The following UBE2E1 variants were observed in gnomAD, a reference collection of about 807,000 sequenced individuals.
UBE2E1 encodes ubiquitin conjugating enzyme E2 E1.
In UBE2E1, 6 loss-of-function variants were observed where a neutral mutation model predicts 21.4. That is an observed-to-expected ratio of 0.28 (90% confidence interval 0.15 to 0.55). The LOEUF (loss-of-function observed/expected upper bound fraction) is 0.55, where lower values mean the gene tolerates loss of function less well. Among genes scored for constraint, UBE2E1 ranks in the 20% least tolerant of loss-of-function variants. The pLI, the probability that UBE2E1 is intolerant of heterozygous loss-of-function variation, is 0.93. For synonymous variants in UBE2E1, 87 were observed against 82.7 expected, an observed-to-expected ratio of 1.05 and a Z score of -0.28; for missense variants, 142 against 236.5, an observed-to-expected ratio of 0.60 and a Z score of 2.62.
At chr3:23,813,731 T>A (rs951547897) in intron 3 of UBE2E1, among the ~76,000 whole-genome samples, 1 of 152,064 alleles carries the variant, frequency 6.6e-6, no homozygotes, top group Non-Finnish European at 1.5e-5. Flanking sequence ...TGGGTAGAGA[T>A]GGGGTTTCAC....
At chr3:23,811,657 C>A in intron 3 of UBE2E1, 147 bp downstream of exon 3, 1 of 738,602 alleles carries the variant, frequency 1.4e-6, no homozygotes. Context: ...ATTTATTAAC[C>A]TGAGTATAAT....
In UBE2E1 at chr3:23,853,206, T is replaced by C. The variant is rs58573756; in HGVS notation, c.204-34361T>C. 0.014 allele frequency among the ~76,000 whole-genome samples: 2,115 copies of C among 152,346 alleles called. 56 individuals are homozygous for C. Among genetic ancestry groups the C allele is most frequent in the African/African-American group, 0.049 (2,019 of 41,572 alleles). On this transcript the variant is annotated intron_variant, in intron 3 of 5. Coordinates refer to ENST00000306627, the MANE Select transcript of UBE2E1 (RefSeq NM_003341.5). This position sits in a 1 kb window ranked among gnomAD's most constrained non-coding sequence, Gnocchi z 4.1. ...CCGCGCCCAGCTGCCTTATTTCTTT[T>C]TCTTGCTGTAATTCACCTGGCTACA... is the stretch of plus-strand genomic sequence containing the variant.
Position 23,890,663 on chromosome 3 carries a change from A to AT in UBE2E1, c.*61dup, listed in dbSNP as rs1049169358. ...CTGTCACAGAAGAGAGCTGCTTATG[A>AT]TTTTGAAGGGGTCAGGGAGGGTGGG... On this transcript the variant is annotated 3_prime_UTR_variant, in exon 6 of 6. Transcript: ENST00000306627. 29 of 1,361,342 alleles carry AT rather than the reference A, an allele frequency of 2.1e-5. No homozygotes were observed. The highest frequency in any genetic ancestry group is 2.5e-5 in the Non-Finnish European group (24 of 974,450). The allele number at this position is 1,361,342 out of a possible 1,614,324, so 84.3% of individuals were successfully genotyped here.
intron 3 of UBE2E1, among the ~76,000 whole-genome samples, chr3:23,825,724 GT>G (rs1413546320): frequency 2.6e-5 from 4 of 152,194 alleles, no homozygotes; most frequent in African/African-American, 9.7e-5. Flanking sequence ...GTAGGCCAGT[GT>G]GGCTGGACAT....
At chr3:23,835,086 C>G (rs182643318) in intron 3 of UBE2E1, among the ~76,000 whole-genome samples, 1 of 152,292 alleles carries the variant, frequency 6.6e-6, no homozygotes, top group East Asian at 1.9e-4. Flanking sequence ...TTAACCTGAT[C>G]ACCTACTTGA....
intron 2 of UBE2E1, among the ~76,000 whole-genome samples, chr3:23,809,931 C>T (rs1204804891): frequency 2.6e-5 from 4 of 152,184 alleles, no homozygotes; most frequent in East Asian, 1.9e-4. Flanking sequence ...GACACAAATA[C>T]GTGTCAATTG....
rs543262154 is a variant in UBE2E1, at chr3:23,891,618, T to C, written c.*1012T>C. On this transcript the variant is annotated 3_prime_UTR_variant, in exon 6 of 6. Transcript: ENST00000306627. ...AGAAATGGGTTCCGTCATGGATAAA[T>C]TGGTACCCTGCCTTAGGGGGCATTT... 5.3e-5 allele frequency: 8 copies of C among 152,230 alleles called. No individual in the cohort carries two copies. The highest frequency in any genetic ancestry group is 1.9e-4 in the East Asian group (1 of 5,204). 9.4% of individuals were successfully genotyped at this position (152,230 alleles called of 1,614,324 possible).
rs1699287828 is a variant in UBE2E1, at chr3:23,806,887, G to T, written c.-33-350G>T. On this transcript the variant is annotated intron_variant, in intron 1 of 5. Transcript: ENST00000306627. The surrounding 1 kb of genome is among the most constrained non-coding windows in gnomAD (Gnocchi z 6.5). ...CAGCCCCGAGGCCGGCCGGCCGCCG[G>T]GACCTTCCCTCCCTGCCCCGCCGTG... The T allele has an allele frequency of 6.0e-6, 1 of 166,796 alleles. No homozygotes were observed. Among genetic ancestry groups the T allele is most frequent in the Admixed American group, 6.4e-5 (1 of 15,630 alleles). 10.3% of individuals were successfully genotyped at this position (166,796 alleles called of 1,614,324 possible).
intron 3 of UBE2E1, among the ~76,000 whole-genome samples, chr3:23,848,582 G>A (rs1206367072): frequency 6.6e-6 from 1 of 152,038 alleles, no homozygotes; most frequent in Non-Finnish European, 1.5e-5. Context: ...AAGCTTGGAG[G>A]AAGATAATCA....
chr3:23,882,937 CAG>C (rs1701087825), intron 3 of UBE2E1, among the ~76,000 whole-genome samples: 2 of 152,346 alleles, frequency 1.3e-5, no homozygotes, highest in South Asian at 2.1e-4. Flanking sequence ...TCCCTGCAAA[CAG>C]AGGGAGCCAG....
At chr3:23,884,429 T>G (rs551913554) in intron 3 of UBE2E1, among the ~76,000 whole-genome samples, 8 of 152,310 alleles carry the variant, frequency 5.3e-5, no homozygotes, top group Non-Finnish European at 1.2e-4. Context: ...ATATGGATTC[T>G]TGGGTCCCCT....
In UBE2E1 at chr3:23,884,177, TTTTGTCTA is replaced by T. The variant is rs558006532; in HGVS notation, c.204-3389_204-3382del. 1.2e-4 allele frequency among the ~76,000 whole-genome samples: 18 copies of T among 152,100 alleles called. 1 individual carries two copies. In the South Asian group the frequency reaches 3.3e-3, roughly 28 times the overall value. On this transcript the variant is annotated intron_variant, in intron 3 of 5. Transcript: ENST00000306627. ...GTAGTTGTACTTGATTTCTTTTCTG[TTTTGTCTA>T]CTTTTTTCTGAACTTTCAAAAAAAT...
intron 5 of UBE2E1, 31 bp from the exon 6 acceptor site, chr3:23,890,478 C>T: frequency 6.3e-7 from 1 of 1,597,360 alleles, no homozygotes; most frequent in East Asian, 2.3e-5. Context: ...CTTTTCCTTT[C>T]TCCAAAGTAA....
intron 3 of UBE2E1, among the ~76,000 whole-genome samples, chr3:23,857,866 T>C (rs1700474545): frequency 6.6e-6 from 1 of 152,208 alleles, no homozygotes; most frequent in African/African-American, 2.4e-5. Flanking sequence ...TTGTTTTGTT[T>C]TGAGACAGAG....
At chr3:23,839,897 T>C (rs1272666476) in intron 3 of UBE2E1, among the ~76,000 whole-genome samples, 1 of 152,182 alleles carries the variant, frequency 6.6e-6, no homozygotes, top group Non-Finnish European at 1.5e-5. Flanking sequence ...GATTATGATA[T>C]ACCTTTTGAT....
chr3:23,820,291 G>A (rs1369002888), intron 3 of UBE2E1, among the ~76,000 whole-genome samples: 8 of 152,186 alleles, frequency 5.3e-5, no homozygotes. Context: ...CTCCTTTATA[G>A]GCTAAAAGCT....
In UBE2E1 at chr3:23,836,124, A is replaced by G. The variant is rs911359046; in HGVS notation, c.203+24614A>G. ...ATTTGGAACAAGAACTGTTTAGGAT[A>G]TAGATGAAATACATTGAAACAGCAA... On this transcript the variant is annotated intron_variant, in intron 3 of 5. Transcript: ENST00000306627. This position sits in a 1 kb window ranked among gnomAD's most constrained non-coding sequence, Gnocchi z 4.1. Among the ~76,000 whole-genome samples the G allele has an allele frequency of 6.6e-6, 1 of 152,236 alleles. No homozygotes were observed. Among genetic ancestry groups the G allele is most frequent in the Non-Finnish European group, 1.5e-5 (1 of 68,030 alleles).
chr3:23,889,749 T>A (rs1701313534), intron 5 of UBE2E1: 2 of 985,228 alleles, frequency 2.0e-6, no homozygotes, highest in Non-Finnish European at 2.4e-6. Context: ...CTTCATTTCA[T>A]TTAAAAAATA....
chr3:23,871,388 A>AC (rs1203919826), intron 3 of UBE2E1, among the ~76,000 whole-genome samples: 2 of 83,480 alleles, frequency 2.4e-5, no homozygotes, highest in East Asian at 2.9e-4. Flanking sequence ...CGGGGGGCTG[A>AC]CCCCCCCACA....
Sources: allele counts gnomAD v4.1 joint callset (sites outside exome capture counted in the v4.1 genomes callset), GRCh38; gene constraint gnomAD v4.1.1; non-coding constraint Gnocchi (gnomAD v3.1); transcripts MANE v1.5; gene names NCBI Gene and HGNC (gene_info 2026-07-23, HGNC 2026-07-21).